The following AUTS2 variants were observed in gnomAD, a reference collection of about 807,000 sequenced individuals.
The protein encoded by AUTS2 is autism susceptibility gene 2 protein.
A neutral mutation model predicts 112.4 loss-of-function variants in AUTS2; 17 were observed. The observed-to-expected ratio is 0.15, with a 90% confidence interval of 0.10 to 0.23. AUTS2 has a LOEUF of 0.23. AUTS2 is among the 10% of genes least tolerant of loss of function. AUTS2 has a pLI of 1.00. For synonymous variants in AUTS2, 751 were observed against 702.7 expected, an observed-to-expected ratio of 1.07 and a Z score of -1.09; for missense variants, 1,510 against 1,701.6, an observed-to-expected ratio of 0.89 and a Z score of 1.98.
chr7:70,617,384 C>T (rs1052565548), intron 5 of AUTS2, among the ~76,000 whole-genome samples: 8 of 152,058 alleles, frequency 5.3e-5, no homozygotes, highest in African/African-American at 1.2e-4. Flanking sequence ...AGTTTGTGGC[C>T]GGGCTCAGTG....
At chr7:69,623,940 G>C (rs188921357) in intron 1 of AUTS2, among the ~76,000 whole-genome samples, 40 of 152,234 alleles carry the variant, frequency 2.6e-4, no homozygotes, top group African/African-American at 7.5e-4. Flanking sequence ...AGAAATTAGA[G>C]ATATAAGTAA....
At chr7:69,645,196 G>T (rs1193574592) in intron 1 of AUTS2, among the ~76,000 whole-genome samples, 1 of 151,866 alleles carries the variant, frequency 6.6e-6, no homozygotes, top group Non-Finnish European at 1.5e-5. Flanking sequence ...ACAGGCATGA[G>T]CCACTGTGCC....
intron 5 of AUTS2, among the ~76,000 whole-genome samples, chr7:70,637,359 C>T (rs1242363783): frequency 2.0e-5 from 3 of 152,142 alleles, no homozygotes; most frequent in Non-Finnish European, 4.4e-5. Flanking sequence ...TAGTACGTTG[C>T]GTATATACCA....
chr7:70,370,207 C>T (rs962051908), intron 4 of AUTS2, among the ~76,000 whole-genome samples: 1 of 152,272 alleles, frequency 6.6e-6, no homozygotes, highest in Admixed American at 6.5e-5. Context: ...TTAAGGTATA[C>T]ACTTCCATGT....
In AUTS2 at chr7:69,599,975, C is replaced by G; in HGVS notation, c.309+13C>G. ...TGAAGCGCTGGAGGTAAGGGGGACC[C>G]CCCTTCCCCCGGGTTCCCTTTATGC... On this transcript the variant is annotated intron_variant, in intron 1 of 18. Coordinates refer to ENST00000342771, the MANE Select transcript of AUTS2 (RefSeq NM_015570.4). The surrounding 1 kb of genome is among the most constrained non-coding windows in gnomAD (Gnocchi z 7.0). The G allele has an allele frequency of 6.2e-7, 1 of 1,612,676 alleles. No homozygotes were observed. The highest frequency in any genetic ancestry group is 8.5e-7 in the Non-Finnish European group (1 of 1,179,518).
At chr7:70,528,119 T>A (rs967705267) in intron 5 of AUTS2, among the ~76,000 whole-genome samples, 3 of 148,796 alleles carry the variant, frequency 2.0e-5, no homozygotes, top group Non-Finnish European at 4.5e-5. Context: ...TTTTTTTTTT[T>A]ACTGGAGTGT....
chr7:70,025,155 G>C (rs1015162873), intron 2 of AUTS2, among the ~76,000 whole-genome samples: 27 of 152,162 alleles, frequency 1.8e-4, no homozygotes, highest in African/African-American at 5.5e-4. Flanking sequence ...CCTATTATGT[G>C]CTGAGTCTTG....
At chr7:70,620,734 C>T (rs893798635) in intron 5 of AUTS2, among the ~76,000 whole-genome samples, 5 of 152,186 alleles carry the variant, frequency 3.3e-5, no homozygotes, top group Non-Finnish European at 7.3e-5. Flanking sequence ...TTTAATTTTC[C>T]TTTAGGGAGA....
intron 4 of AUTS2, among the ~76,000 whole-genome samples, chr7:70,410,503 AC>A (rs2130444470): frequency 6.6e-6 from 1 of 151,752 alleles, no homozygotes; most frequent in East Asian, 1.9e-4. Flanking sequence ...GGCTCACTGC[AC>A]CCTTGATCTT....
rs375467509 is a variant in AUTS2 at position 70,652,957 on chromosome 7, T to C, written c.691-45612T>C. On this transcript the variant is annotated intron_variant, in intron 5 of 18. Coordinates refer to ENST00000342771, the MANE Select transcript of AUTS2 (RefSeq NM_015570.4). ...TCCCCTCCCCTTATTTAAATAGAGG[T>C]TTAAAAGTTTAACAAGCCCAGGTGT... is the stretch of plus-strand genomic sequence containing the variant. 3.3e-5 allele frequency among the ~76,000 whole-genome samples: 5 copies of C among 152,156 alleles called. No homozygotes were observed. In the East Asian group the frequency reaches 5.8e-4, roughly 18 times the overall value.
At chr7:70,786,517 AT>A (rs1217933836) in intron 17 of AUTS2, among the ~76,000 whole-genome samples, 3 of 152,260 alleles carry the variant, frequency 2.0e-5, no homozygotes, top group Non-Finnish European at 4.4e-5. Flanking sequence ...TTTATTCTCC[AT>A]CATCTAGGAG....
chr7:69,828,309 A>G (rs1425144581), intron 1 of AUTS2, among the ~76,000 whole-genome samples: 1 of 152,184 alleles, frequency 6.6e-6, no homozygotes, highest in African/African-American at 2.4e-5. Context: ...ATTTTGATGA[A>G]GAGAAGTATA....
At chr7:70,630,686 G>A (rs139515243) in intron 5 of AUTS2, among the ~76,000 whole-genome samples, 2 of 152,270 alleles carry the variant, frequency 1.3e-5, no homozygotes, top group African/African-American at 2.4e-5. Flanking sequence ...CATTGTTCTC[G>A]GAACTAGCTG....
chr7:70,427,619 G>A (rs2130776185), intron 4 of AUTS2, among the ~76,000 whole-genome samples: 1 of 152,274 alleles, frequency 6.6e-6, no homozygotes, highest in South Asian at 2.1e-4. Flanking sequence ...TAATTTATGA[G>A]CTTTAAAACT....
At chr7:69,752,340 C>A (rs1221434452) in intron 1 of AUTS2, among the ~76,000 whole-genome samples, 3 of 152,222 alleles carry the variant, frequency 2.0e-5, no homozygotes, top group African/African-American at 7.2e-5. Context: ...TCTCTCTGGG[C>A]CCCTTGTCAT....
intron 5 of AUTS2, among the ~76,000 whole-genome samples, chr7:70,557,512 A>G (rs893333474): frequency 3.3e-5 from 5 of 152,362 alleles, no homozygotes; most frequent in East Asian, 3.9e-4. Context: ...TGTATAGCCA[A>G]TCGAACATGT....
chr7:70,302,669 AGTGT>A (rs1183018058), intron 4 of AUTS2, among the ~76,000 whole-genome samples: 1 of 151,900 alleles, frequency 6.6e-6, no homozygotes, highest in Non-Finnish European at 1.5e-5. Context: ...AGCTTGCATT[AGTGT>A]GTTGGTTACT....
At chr7:69,852,009 A>C (rs1792505613) in intron 1 of AUTS2, among the ~76,000 whole-genome samples, 1 of 152,130 alleles carries the variant, frequency 6.6e-6, no homozygotes, top group Admixed American at 6.5e-5. Flanking sequence ...CTTCAGTACT[A>C]TGCTGAATAG....
At chr7:69,823,788 C>T (rs1471168858) in intron 1 of AUTS2, among the ~76,000 whole-genome samples, 2 of 151,928 alleles carry the variant, frequency 1.3e-5, no homozygotes, top group South Asian at 4.2e-4. Context: ...AACAAAAAAC[C>T]AGCAAGAGGA....
Sources: allele counts gnomAD v4.1 joint callset (sites outside exome capture counted in the v4.1 genomes callset), GRCh38; gene constraint gnomAD v4.1.1; non-coding constraint Gnocchi (gnomAD v3.1); transcripts MANE v1.5; gene names NCBI Gene and HGNC (gene_info 2026-07-23, HGNC 2026-07-21).